SLC5A1: variants seen among roughly 807,000 people sequenced by gnomAD.
The protein encoded by SLC5A1 is solute carrier family 5 member 1, also known as sodium/glucose cotransporter 1.
In SLC5A1, 42 loss-of-function variants were observed where a neutral mutation model predicts 73.5. The observed-to-expected ratio is 0.57, with a 90% confidence interval of 0.45 to 0.74. The LOEUF is 0.74. Among genes scored for constraint, SLC5A1 ranks in the 30% least tolerant of loss-of-function variants. SLC5A1 has a pLI of 0.00. For missense variants in SLC5A1, 634 were observed against 855.4 expected, an observed-to-expected ratio of 0.74 and a Z score of 3.23; for synonymous variants, 300 against 317.4, an observed-to-expected ratio of 0.95 and a Z score of 0.58.
intron 1 of SLC5A1, among the ~76,000 whole-genome samples, chr22:32,044,140 G>C (rs1180347769): frequency 6.6e-6 from 1 of 152,130 alleles, no homozygotes; most frequent in Non-Finnish European, 1.5e-5. Context: ...ACTTATGACA[G>C]ACTGTGGCAG....
At chr22:32,064,882 A>G (rs566866705) in intron 2 of SLC5A1, among the ~76,000 whole-genome samples, 11 of 152,308 alleles carry the variant, frequency 7.2e-5, no homozygotes, top group African/African-American at 2.6e-4. Context: ...TTAAAAAAGC[A>G]AATTAGGTCC....
In SLC5A1 at chr22:32,110,851, T is replaced by C. The variant is rs1049834917; in HGVS notation, c.*638T>C. The C allele has an allele frequency of 6.4e-5, 10 of 155,414 alleles. No homozygotes were observed. In the East Asian group the frequency reaches 1.9e-3, roughly 30 times the overall value. The allele number at this position is 155,414 out of a possible 1,614,324, so 9.6% of individuals were successfully genotyped here. On this transcript the variant is annotated 3_prime_UTR_variant, in exon 15 of 15. Transcript: ENST00000266088. ...GACCCGGGCCCCAGCCTCAAGCTAG[T>C]GGGGGAGGCAGATAGCCTGAATCCA...
chr22:32,098,712 G>A lies in SLC5A1; in HGVS notation c.1281-471G>A, dbSNP rs141776917. On this transcript the variant is annotated intron_variant, in intron 11 of 14. Transcript: ENST00000266088. ...CATTTTTAAATTATTTTTTCTTGCT[G>A]TGGTTATATTTGCTGCTGGTAGTGG... is the stretch of plus-strand genomic sequence containing the variant. 6.9e-3 allele frequency among the ~76,000 whole-genome samples: 1,050 copies of A among 152,208 alleles called. 14 individuals are homozygous for A. Among genetic ancestry groups the A allele is most frequent in the African/African-American group, 0.023 (962 of 41,506 alleles).
intron 8 of SLC5A1, 119 bp from the exon 9 acceptor site, chr22:32,084,781 C>T (rs1333103978): frequency 9.8e-6 from 15 of 1,530,194 alleles, no homozygotes; most frequent in South Asian, 1.1e-5. Context: ...TTGTAAGTTG[C>T]CACGCCCCAG....
At chr22:32,048,341 G>C (rs546239329) in intron 1 of SLC5A1, among the ~76,000 whole-genome samples, 2 of 152,290 alleles carry the variant, frequency 1.3e-5, no homozygotes, top group South Asian at 4.2e-4. Flanking sequence ...AGCTGGACCA[G>C]AAATAATCCG....
chr22:32,067,850 G>T, intron 3 of SLC5A1, 117 bp from the exon 4 acceptor site: 1 of 1,044,714 alleles, frequency 9.6e-7, no homozygotes, highest in South Asian at 1.3e-5. Context: ...GTCTCTAACG[G>T]CTCCTTAGGG....
At chr22:32,067,516 C>T (rs980251251) in intron 3 of SLC5A1, among the ~76,000 whole-genome samples, 1 of 151,938 alleles carries the variant, frequency 6.6e-6, no homozygotes, top group African/African-American at 2.4e-5. Flanking sequence ...GGACTACAGG[C>T]ATGTGCCACC....
rs916355977 is a variant in SLC5A1, at chr22:32,111,958, T to C, written c.*1745T>C. The C allele has an allele frequency of 6.6e-6, 1 of 152,130 alleles. No individual in the cohort carries two copies. Among genetic ancestry groups the C allele is most frequent in the Non-Finnish European group, 1.5e-5 (1 of 68,028 alleles). 9.4% of individuals were successfully genotyped at this position (152,130 alleles called of 1,614,324 possible). A position where few individuals can be genotyped will look rare whatever the true frequency, so the allele number is the denominator to read the frequency against. ...AGAAAAGCAGAAGCTGCTTTGACCG[T>C]GAAAATATTTGACTCCTATCAGTTT... On this transcript the variant is annotated 3_prime_UTR_variant, in exon 15 of 15. Coordinates refer to ENST00000266088, the MANE Select transcript of SLC5A1 (RefSeq NM_000343.4).
chr22:32,091,579 G>A, intron 10 of SLC5A1, 33 bp from the exon 11 acceptor site: 2 of 1,613,406 alleles, frequency 1.2e-6, no homozygotes, highest in Non-Finnish European at 1.7e-6. Context: ...TGAAGGTGCT[G>A]TTATGTGCCA....
At chr22:32,061,357 G>C (rs1235704085) in intron 2 of SLC5A1, among the ~76,000 whole-genome samples, 1 of 152,012 alleles carries the variant, frequency 6.6e-6, no homozygotes, top group South Asian at 2.1e-4. Flanking sequence ...GGAGGTTGCA[G>C]TGAGCTGAGA....
At chr22:32,063,446 G>A (rs752113100) in intron 2 of SLC5A1, among the ~76,000 whole-genome samples, 39 of 152,198 alleles carry the variant, frequency 2.6e-4, no homozygotes, top group Non-Finnish European at 5.1e-4. Context: ...CAGAGAGTAA[G>A]AGGTCAAGAA....
intron 13 of SLC5A1, 99 bp downstream of exon 13, chr22:32,102,336 T>TAATAGTGAAATA (rs2094038102): frequency 1.2e-6 from 1 of 845,720 alleles, no homozygotes; most frequent in African/African-American, 1.7e-5. Flanking sequence ...ACATAATAGT[T>TAATAGTGAAATA]GTATATAATT....
intron 14 of SLC5A1, among the ~76,000 whole-genome samples, chr22:32,109,668 ATG>A (rs1317601373): frequency 1.3e-5 from 2 of 152,154 alleles, no homozygotes; most frequent in Non-Finnish European, 2.9e-5. Flanking sequence ...CCTATTATTA[ATG>A]TGTCTTTATT....
Position 32,067,049 on chromosome 22 carries a change from A to T in SLC5A1, c.312+10A>T, listed in dbSNP as rs1210087935. The T allele has an allele frequency of 2.5e-6, 4 of 1,594,852 alleles. No individual in the cohort carries two copies. Among genetic ancestry groups the T allele is most frequent in the South Asian group, 2.2e-5 (2 of 90,586 alleles). On this transcript the variant is annotated intron_variant, in intron 3 of 14. Coordinates refer to ENST00000266088, the MANE Select transcript of SLC5A1 (RefSeq NM_000343.4). Reference sequence around the variant, plus strand: ...AGGCTTTGAATGGAATGTGAGTAACACTGCAGCCATGGTGCACTGGGGCTG... The same window carrying T: ...AGGCTTTGAATGGAATGTGAGTAACTCTGCAGCCATGGTGCACTGGGGCTG...
rs372425907 is a variant in SLC5A1 at position 32,107,047 on chromosome 22, T to A, written c.1771+2156T>A. ...GGCTGTGCCTAAGGTCTCAGCTTTG[T>A]TACAATCTGCTCTTGATCTTCGAGT... On this transcript the variant is annotated intron_variant, in intron 14 of 14. Transcript: ENST00000266088. 1.3e-4 allele frequency among the ~76,000 whole-genome samples: 20 copies of A among 152,350 alleles called. 1 individual carries two copies. The highest frequency in any genetic ancestry group is 1.0e-3 in the Admixed American group (16 of 15,306).
intron 12 of SLC5A1, among the ~76,000 whole-genome samples, chr22:32,100,972 A>G (rs988131538): frequency 3.9e-5 from 6 of 152,118 alleles, no homozygotes; most frequent in Admixed American, 1.3e-4. Flanking sequence ...TGCTGTGGCC[A>G]CAGCAAGAAA....
At position 32,097,929 on chromosome 22, in the gene SLC5A1, A is replaced by G. The variant is rs1046129352; in HGVS notation, c.1281-1254A>G. Among the ~76,000 whole-genome samples the G allele has an allele frequency of 3.9e-5, 6 of 152,374 alleles. 1 individual carries two copies. The highest frequency in any genetic ancestry group is 3.9e-4 in the Admixed American group (6 of 15,306). Reference sequence around the variant, plus strand: ...AATAATAAAACAACCAAATTAAGAAACAGCCAAAAGACTAACAAAGCACAT... The same window carrying G: ...AATAATAAAACAACCAAATTAAGAAGCAGCCAAAAGACTAACAAAGCACAT... On this transcript the variant is annotated intron_variant, in intron 11 of 14. Transcript: ENST00000266088.
At chr22:32,064,718 C>G (rs1227237849) in intron 2 of SLC5A1, among the ~76,000 whole-genome samples, 3 of 152,178 alleles carry the variant, frequency 2.0e-5, no homozygotes, top group African/African-American at 7.2e-5. Flanking sequence ...CTAAAACATA[C>G]TCCCTAATCT....
At chr22:32,050,828 G>A (rs1051249997) in intron 2 of SLC5A1, among the ~76,000 whole-genome samples, 4 of 152,240 alleles carry the variant, frequency 2.6e-5, no homozygotes, top group Non-Finnish European at 5.9e-5. Context: ...GGAAGCCTGA[G>A]TCATGCTTGA....
Sources: allele counts gnomAD v4.1 joint callset (sites outside exome capture counted in the v4.1 genomes callset), GRCh38; gene constraint gnomAD v4.1.1; transcripts MANE v1.5; gene names NCBI Gene and HGNC (gene_info 2026-07-23, HGNC 2026-07-21).